The following PDIK1L variants were observed in gnomAD, a reference collection of about 807,000 sequenced individuals.
The protein encoded by PDIK1L is PDLIM1 interacting kinase 1 like, also known as serine/threonine-protein kinase PDIK1L.
Under a neutral mutation model 27.1 loss-of-function variants are expected in PDIK1L, and 9 were observed. That is an observed-to-expected ratio of 0.33 (90% CI 0.20 to 0.58). PDIK1L has a LOEUF of 0.58. PDIK1L is among the 20% of genes least tolerant of loss of function. The pLI is 0.86. For missense variants in PDIK1L, 216 were observed against 413.2 expected, an observed-to-expected ratio of 0.52 and a Z score of 4.14; for synonymous variants, 130 against 141.7, an observed-to-expected ratio of 0.92 and a Z score of 0.59.
chr1:26,118,057 CAA>C (rs763719360), intron 2 of PDIK1L, among the ~76,000 whole-genome samples: 32 of 102,882 alleles, frequency 3.1e-4, no homozygotes, highest in Admixed American at 3.0e-4. Flanking sequence ...GACCCTGTCT[CAA>C]AAAAAAAAAA....
chr1:26,115,250 A>G (rs1484939926), intron 2 of PDIK1L, among the ~76,000 whole-genome samples: 2 of 152,242 alleles, frequency 1.3e-5, no homozygotes, highest in Admixed American at 1.3e-4. Flanking sequence ...GGCTTATAGT[A>G]TAGATAATGA....
chr1:26,120,531 G>GA (rs1360815846), intron 2 of PDIK1L, among the ~76,000 whole-genome samples: 1 of 152,220 alleles, frequency 6.6e-6, no homozygotes, highest in African/African-American at 2.4e-5. Context: ...TGCTTTCCCA[G>GA]ATGGTAGAGA....
rs2088047344 is a variant in PDIK1L, at chr1:26,124,623, T to C, written c.*2046T>C. On this transcript the variant is annotated 3_prime_UTR_variant, in exon 3 of 3. Transcript: ENST00000374269. Reference sequence around the variant, plus strand: ...GTCCTGCCTCATGTAAAATAGTTAATGATTATCATTTACTTGGAAAGATTT... The same window carrying C: ...GTCCTGCCTCATGTAAAATAGTTAACGATTATCATTTACTTGGAAAGATTT... The C allele has an allele frequency of 6.6e-6, 1 of 152,234 alleles. No homozygotes were observed. Among genetic ancestry groups the C allele is most frequent in the Non-Finnish European group, 1.5e-5 (1 of 68,028 alleles). The allele number at this position is 152,234 out of a possible 1,614,324, so 9.4% of individuals were successfully genotyped here. A position where few individuals can be genotyped will look rare whatever the true frequency, so the allele number is the denominator to read the frequency against.
intron 2 of PDIK1L, among the ~76,000 whole-genome samples, chr1:26,119,148 C>A (rs2087931196): frequency 6.6e-6 from 1 of 152,266 alleles, no homozygotes; most frequent in African/African-American, 2.4e-5. Flanking sequence ...TGGCTTACGC[C>A]TGCAATCCCA....
At position 26,123,407 on chromosome 1, in the gene PDIK1L, A is replaced by G. The variant is rs1457121233; in HGVS notation, c.*830A>G. 6.6e-6 allele frequency: 1 copy of G among 152,572 alleles called. No individual in the cohort carries two copies. Among genetic ancestry groups the G allele is most frequent in the African/African-American group, 2.4e-5 (1 of 41,442 alleles). 9.5% of individuals were successfully genotyped at this position (152,572 alleles called of 1,614,324 possible). ...TAACCGAGCATTTATTTAACCAACTATACCACTGCATTGGGACGTCTGCAC... is the reference window on the plus strand; with the variant it reads ...TAACCGAGCATTTATTTAACCAACTGTACCACTGCATTGGGACGTCTGCAC... On this transcript the variant is annotated 3_prime_UTR_variant, in exon 3 of 3. Coordinates refer to ENST00000374269, the MANE Select transcript of PDIK1L (RefSeq NM_152835.5).
At chr1:26,113,261 G>T (rs537547116) in intron 1 of PDIK1L, among the ~76,000 whole-genome samples, 1 of 152,182 alleles carries the variant, frequency 6.6e-6, no homozygotes, top group South Asian at 2.1e-4. Context: ...AGGCCGAGGC[G>T]GGCGGATCAC....
At position 26,123,535 on chromosome 1, in the gene PDIK1L, CTT is replaced by C. The variant is rs1430922743; in HGVS notation, c.*960_*961del. On this transcript the variant is annotated 3_prime_UTR_variant, in exon 3 of 3. Transcript: ENST00000374269. ...ACTTGATACATTTTTGGTTTGAAGA[CTT>C]TGTCTAAGCCTCATTATACTGAAGT... The C allele has an allele frequency of 2.0e-5, 3 of 152,618 alleles. No individual in the cohort carries two copies. Among genetic ancestry groups the C allele is most frequent in the East Asian group, 1.9e-4 (1 of 5,204 alleles). The allele number at this position is 152,618 out of a possible 1,614,324, so 9.5% of individuals were successfully genotyped here. A position where few individuals can be genotyped will look rare whatever the true frequency, so the allele number is the denominator to read the frequency against.
chr1:26,116,170 T>C (rs1336572211), intron 2 of PDIK1L, among the ~76,000 whole-genome samples: 2 of 149,354 alleles, frequency 1.3e-5, no homozygotes, highest in Admixed American at 6.7e-5. Context: ...ACCACTGCAC[T>C]CCAGCCTGGG....
At chr1:26,112,084 G>C (rs1449548504) in intron 1 of PDIK1L, among the ~76,000 whole-genome samples, 169 bp downstream of exon 1, 1 of 152,110 alleles carries the variant, frequency 6.6e-6, no homozygotes, top group Non-Finnish European at 1.5e-5. Flanking sequence ...TCTCATACCG[G>C]GGCCACCTCC....
intron 2 of PDIK1L, among the ~76,000 whole-genome samples, chr1:26,118,858 G>C (rs1316241828): frequency 6.6e-6 from 1 of 152,148 alleles, no homozygotes; most frequent in African/African-American, 2.4e-5. Context: ...CCTATGCATG[G>C]TATATTCTCC....
rs753829995 is a variant in PDIK1L at position 26,124,224 on chromosome 1, TGTTA to T, written c.*1652_*1655del. Reference sequence around the variant, plus strand: ...TGCAGTACATAAAATTTCTGGACTATGTTAGTTACTTGATCTGGAAGTTTAAAAT... The same window carrying T: ...TGCAGTACATAAAATTTCTGGACTATGTTACTTGATCTGGAAGTTTAAAAT... On this transcript the variant is annotated 3_prime_UTR_variant, in exon 3 of 3. Transcript: ENST00000374269. 1.3e-5 allele frequency: 2 copies of T among 152,480 alleles called. No homozygotes were observed. Among genetic ancestry groups the T allele is most frequent in the Non-Finnish European group, 2.9e-5 (2 of 68,008 alleles). 9.4% of individuals were successfully genotyped at this position (152,480 alleles called of 1,614,324 possible). A position where few individuals can be genotyped will look rare whatever the true frequency, so the allele number is the denominator to read the frequency against.
chr1:26,113,962 A>C (rs569924643), intron 1 of PDIK1L, among the ~76,000 whole-genome samples: 1 of 152,334 alleles, frequency 6.6e-6, no homozygotes, highest in Non-Finnish European at 1.5e-5. Flanking sequence ...TCCACCAGTT[A>C]CTAGCTGTTG....
intron 2 of PDIK1L, among the ~76,000 whole-genome samples, chr1:26,118,894 T>C (rs1327821452): frequency 6.6e-6 from 1 of 152,214 alleles, no homozygotes; most frequent in Non-Finnish European, 1.5e-5. Context: ...TTTCTCCATG[T>C]TTTTCCTGAT....
chr1:26,111,494 C>A (rs1167861869), upstream of PDIK1L: 1 of 151,286 alleles, frequency 6.6e-6, no homozygotes, highest in African/African-American at 2.4e-5. This position sits in a 1 kb window ranked among gnomAD's most constrained non-coding sequence, Gnocchi z 4.0. Context: ...CCGGACCTGC[C>A]GCTGCAGACG....
rs1265685858 is a variant in PDIK1L, at chr1:26,124,360, G to A, written c.*1783G>A. ...TATAAGAATTCTTTTGGAAATTAGA[G>A]GTGGAAACACACTGGAACCTCATGA... On this transcript the variant is annotated 3_prime_UTR_variant, in exon 3 of 3. Transcript: ENST00000374269. 1 of 152,122 alleles carries A rather than the reference G, an allele frequency of 6.6e-6. No homozygotes were observed. Among genetic ancestry groups the A allele is most frequent in the Admixed American group, 6.5e-5 (1 of 15,268 alleles). 9.4% of individuals were successfully genotyped at this position (152,122 alleles called of 1,614,324 possible).
At chr1:26,118,036 G>A (rs1180578860) in intron 2 of PDIK1L, among the ~76,000 whole-genome samples, 1 of 151,502 alleles carries the variant, frequency 6.6e-6, no homozygotes, top group Non-Finnish European at 1.5e-5. Flanking sequence ...CTCCAGCCTG[G>A]GCAAGAGCCA....
In PDIK1L at chr1:26,114,633, T is replaced by A; in HGVS notation, c.285+40T>A. 6.3e-7 allele frequency: 1 copy of A among 1,593,136 alleles called. No homozygotes were observed. Among genetic ancestry groups the A allele is most frequent in the Non-Finnish European group, 8.6e-7 (1 of 1,165,100 alleles). ...TTGGGAAATAGAAATGATTTGAACATGGCATTGGCCAGCAAGAAGAGGAAT... is the reference window on the plus strand; with the variant it reads ...TTGGGAAATAGAAATGATTTGAACAAGGCATTGGCCAGCAAGAAGAGGAAT... On this transcript the variant is annotated intron_variant, in intron 2 of 2. Coordinates refer to ENST00000374269, the MANE Select transcript of PDIK1L (RefSeq NM_152835.5). This position sits in a 1 kb window ranked among gnomAD's most constrained non-coding sequence, Gnocchi z 4.8.
chr1:26,117,563 C>T (rs1455516016), intron 2 of PDIK1L, among the ~76,000 whole-genome samples: 5 of 151,894 alleles, frequency 3.3e-5, no homozygotes, highest in East Asian at 1.9e-4. Flanking sequence ...AAACCAGCCT[C>T]GGCAACACGG....
At chr1:26,113,937 G>T (rs549915255) in intron 1 of PDIK1L, among the ~76,000 whole-genome samples, 2 of 152,142 alleles carry the variant, frequency 1.3e-5, no homozygotes, top group African/African-American at 4.8e-5. Flanking sequence ...AGATGGCCGG[G>T]TTTCAAATCC....
Sources: gnomAD v4.1 joint callset for allele counts (sites outside exome capture counted in the v4.1 genomes callset) on GRCh38, gnomAD v4.1.1 for gene constraint, Gnocchi (gnomAD v3.1) non-coding constraint, MANE v1.5 for transcripts, NCBI Gene and HGNC (gene_info 2026-07-23, HGNC 2026-07-21) for gene names.